Variants in PIEZO2 observed in about 807,000 individuals in gnomAD.
The protein encoded by PIEZO2 is piezo-type mechanosensitive ion channel component 2.
A neutral mutation model predicts 337.3 loss-of-function variants in PIEZO2; 172 were observed. The ratio of observed to expected loss-of-function variants is 0.51; its 90% confidence interval spans 0.45 to 0.58. The LOEUF is 0.58. PIEZO2 is among the 20% of genes least tolerant of loss of function. PIEZO2 has a pLI of 0.00. For synonymous variants in PIEZO2, 1,251 were observed against 1,228.5 expected, an observed-to-expected ratio of 1.02 and a Z score of -0.38; for missense variants, 3,028 against 3,391.3, an observed-to-expected ratio of 0.89 and a Z score of 2.66.
intron 3 of PIEZO2, among the ~76,000 whole-genome samples, chr18:10,967,024 T>G (rs1159979536): frequency 2.7e-5 from 4 of 147,636 alleles, no homozygotes; most frequent in South Asian, 2.2e-4. Context: ...TTTTGTTTTT[T>G]TTTTTTTTTT....
chr18:10,849,084 G>T (rs542807277), intron 7 of PIEZO2, among the ~76,000 whole-genome samples: 2 of 152,126 alleles, frequency 1.3e-5, no homozygotes, highest in Non-Finnish European at 2.9e-5. Flanking sequence ...TCAGCTCACT[G>T]CAACCTCTGC....
At chr18:11,030,921 T>C (rs928453675) in intron 2 of PIEZO2, among the ~76,000 whole-genome samples, 1 of 152,198 alleles carries the variant, frequency 6.6e-6, no homozygotes, top group African/African-American at 2.4e-5. Flanking sequence ...ATTTATATGA[T>C]TAGATTAGCA....
In PIEZO2 at chr18:10,878,953, G is replaced by A. The variant is rs1381704782; in HGVS notation, c.330-7538C>T. Among the ~76,000 whole-genome samples the A allele has an allele frequency of 6.6e-6, 1 of 152,200 alleles. No individual in the cohort carries two copies. Among genetic ancestry groups the A allele is most frequent in the Non-Finnish European group, 1.5e-5 (1 of 68,036 alleles). On this transcript the variant is annotated intron_variant, in intron 4 of 55. Coordinates refer to ENST00000674853, the MANE Select transcript of PIEZO2 (RefSeq NM_001378183.1). This position sits in a 1 kb window ranked among gnomAD's most constrained non-coding sequence, Gnocchi z 4.3. ...GTGGTTAGGACTTTCAGGTGCAGAG[G>A]TGAGACTTTAAACTGAAAGCCACAT... is the stretch of plus-strand genomic sequence containing the variant.
At chr18:10,960,729 C>T (rs1453587937) in intron 3 of PIEZO2, among the ~76,000 whole-genome samples, 4 of 152,130 alleles carry the variant, frequency 2.6e-5, no homozygotes, top group East Asian at 1.9e-4. Flanking sequence ...TTAAAACGAG[C>T]GTTGGCTAAA....
intron 22 of PIEZO2, 89 bp downstream of exon 22, chr18:10,762,833 C>A: frequency 6.9e-7 from 1 of 1,441,946 alleles, no homozygotes; most frequent in Non-Finnish European, 9.2e-7. Flanking sequence ...CAGGTCAGGC[C>A]AAATGTGCTT....
At chr18:11,037,750 T>C (rs2036973514) in intron 2 of PIEZO2, among the ~76,000 whole-genome samples, 1 of 152,200 alleles carries the variant, frequency 6.6e-6, no homozygotes, top group South Asian at 2.1e-4. Flanking sequence ...TTTGACTTGG[T>C]GCCTAACTGA....
intron 1 of PIEZO2, among the ~76,000 whole-genome samples, chr18:11,072,708 G>C (rs976700765): frequency 2.2e-4 from 34 of 152,186 alleles, no homozygotes; most frequent in African/African-American, 7.7e-4. Context: ...ATGTAGCCTG[G>C]CTGAGGTTTG....
In PIEZO2 at chr18:10,716,230, T is replaced by G. The variant is rs869272; in HGVS notation, c.5090-414A>C. 0.15 allele frequency among the ~76,000 whole-genome samples: 22,453 copies of G among 151,978 alleles called. 2,409 individuals carry two copies. The highest frequency in any genetic ancestry group is 0.27 in the East Asian group (1,399 of 5,164). ...CCTCTGCTGCCTCTGCCACCCCTAATACAGAAAAACCAACCCCTCTTCTTC... is the reference window on the plus strand; with the variant it reads ...CCTCTGCTGCCTCTGCCACCCCTAAGACAGAAAAACCAACCCCTCTTCTTC... On this transcript the variant is annotated intron_variant, in intron 37 of 55. Coordinates refer to ENST00000674853, the MANE Select transcript of PIEZO2 (RefSeq NM_001378183.1). The surrounding 1 kb of genome is among the most constrained non-coding windows in gnomAD (Gnocchi z 4.1).
At chr18:10,931,134 C>G (rs2032055524) in intron 3 of PIEZO2, among the ~76,000 whole-genome samples, 2 of 150,814 alleles carry the variant, frequency 1.3e-5, no homozygotes, top group Non-Finnish European at 3.0e-5. Flanking sequence ...TACTCTCTCT[C>G]TTCTCTATTT....
At position 10,824,195 on chromosome 18, in the gene PIEZO2, T is replaced by C. The variant is rs1208849959; in HGVS notation, c.918-16921A>G. Among the ~76,000 whole-genome samples the C allele has an allele frequency of 2.0e-5, 3 of 152,304 alleles. No homozygotes were observed. Among genetic ancestry groups the C allele is most frequent in the Middle Eastern group, 6.8e-3 (2 of 294 alleles). The stretch of plus-strand genomic sequence containing the variant: ...TGCATAAATAAACCACAGACTACTC[T>C]AGAAATCTGGGGCTAGGGAATAATT... On this transcript the variant is annotated intron_variant, in intron 7 of 55. Transcript: ENST00000674853. The surrounding 1 kb of genome is among the most constrained non-coding windows in gnomAD (Gnocchi z 4.4).
chr18:11,014,093 C>T (rs759768746), intron 2 of PIEZO2, among the ~76,000 whole-genome samples: 12 of 152,224 alleles, frequency 7.9e-5, no homozygotes, highest in East Asian at 3.8e-4. Context: ...ATCTGCTGAG[C>T]GTTACAGCTC....
intron 7 of PIEZO2, among the ~76,000 whole-genome samples, chr18:10,845,317 C>T (rs981415737): frequency 6.6e-6 from 1 of 151,774 alleles, no homozygotes; most frequent in African/African-American, 2.4e-5. Context: ...TTTCCAGAGA[C>T]AGGATTTATT....
In PIEZO2 at chr18:10,870,932, T is replaced by A. The variant is rs1006626476; in HGVS notation, c.492+321A>T. Among the ~76,000 whole-genome samples, 1 of 152,070 alleles carries A rather than the reference T, an allele frequency of 6.6e-6. No individual in the cohort carries two copies. The highest frequency in any genetic ancestry group is 2.4e-5 in the African/African-American group (1 of 41,408). ...CAATAACTAAGGTACCCAGACCAATTGAACCATAACACTATGTATGACCTT... is the reference window on the plus strand; with the variant it reads ...CAATAACTAAGGTACCCAGACCAATAGAACCATAACACTATGTATGACCTT... On this transcript the variant is annotated intron_variant, in intron 5 of 55. Transcript: ENST00000674853. The surrounding 1 kb of genome is among the most constrained non-coding windows in gnomAD (Gnocchi z 5.3).
chr18:10,752,713 T>G lies in PIEZO2; in HGVS notation c.4090A>C (p.Ile1364Leu), dbSNP rs1408137241. ...LFGGDLLLKPIKSILRYWDWL... is the reference protein window; with the variant it reads ...LFGGDLLLKPLKSILRYWDWL... ...TCCCAGTAGCGCAGGATGCTCTTGATGGGTTTCAACAGCAAATCGCCCCCA... is the reference window on the plus strand; with the variant it reads ...TCCCAGTAGCGCAGGATGCTCTTGAGGGGTTTCAACAGCAAATCGCCCCCA... The change falls in exon 28 of 56, where the codon ATC becomes CTC. Residue 1364 changes from isoleucine to leucine, a missense_variant. By Grantham distance (5) the Ile-to-Leu change is conservative. This residue lies in a region of PIEZO2 where 1,925 missense variants were observed against 2,051.9 expected (regional missense o/e 0.94). Coordinates refer to ENST00000674853, the MANE Select transcript of PIEZO2 (RefSeq NM_001378183.1). 3 of 1,537,126 alleles carry G rather than the reference T, an allele frequency of 2.0e-6. No homozygotes were observed. The highest frequency in any genetic ancestry group is 1.7e-6 in the Non-Finnish European group (2 of 1,146,918).
At chr18:10,763,525 C>G (rs1033623327) in intron 21 of PIEZO2, among the ~76,000 whole-genome samples, 6 of 152,156 alleles carry the variant, frequency 3.9e-5, no homozygotes, top group African/African-American at 1.4e-4. Context: ...AAAGCATGAG[C>G]TAGCATGGTG....
In PIEZO2 at chr18:10,748,602, G is replaced by T. The variant is rs138035403; in HGVS notation, c.4293C>A (p.Pro1431=). The T allele has an allele frequency of 2.6e-4, 390 of 1,526,216 alleles. 3 individuals carry two copies. The African/African-American group carries it at 4.7e-3, about 18-fold the overall frequency. 94.5% of individuals were successfully genotyped at this position (1,526,216 alleles called of 1,614,324 possible). The change falls in exon 30 of 56, where the codon CCC becomes CCA. Residue 1431 remains proline, a synonymous_variant. Coordinates refer to ENST00000674853, the MANE Select transcript of PIEZO2 (RefSeq NM_001378183.1). This position sits in a 1 kb window ranked among gnomAD's most constrained non-coding sequence, Gnocchi z 5.1. ...CCCAAATGATTCCTGCTTCCCCACT[G>T]GGAAGTGTACAGGGTGAATTAGCAG... ...MPAANSPCTL[P]SGEAGIIWDS...
intron 1 of PIEZO2, among the ~76,000 whole-genome samples, chr18:11,117,513 A>T (rs2039924427): frequency 6.6e-6 from 1 of 152,198 alleles, no homozygotes; most frequent in Non-Finnish European, 1.5e-5. Context: ...TCCAAGGAGA[A>T]ACAGATCCTG....
Position 11,112,723 on chromosome 18 carries a change from A to C in PIEZO2, c.64+35802T>G, listed in dbSNP as rs927925146. Among the ~76,000 whole-genome samples, 1 of 152,218 alleles carries C rather than the reference A, an allele frequency of 6.6e-6. No individual in the cohort carries two copies. Among genetic ancestry groups the C allele is most frequent in the African/African-American group, 2.4e-5 (1 of 41,452 alleles). ...TAATGCAAGTGACACCTGGTGTTCT[A>C]CTGTCTATTGAGAAATGCATAATGC... On this transcript the variant is annotated intron_variant, in intron 1 of 55. Coordinates refer to ENST00000674853, the MANE Select transcript of PIEZO2 (RefSeq NM_001378183.1). The surrounding 1 kb of genome is among the most constrained non-coding windows in gnomAD (Gnocchi z 4.3).
At chr18:10,786,868 G>A (rs1209760999) in intron 16 of PIEZO2, among the ~76,000 whole-genome samples, 168 bp downstream of exon 16, 1 of 152,116 alleles carries the variant, frequency 6.6e-6, no homozygotes, top group Non-Finnish European at 1.5e-5. Flanking sequence ...TCTAAGCTAA[G>A]GGCTAAGTAA....
Sources: allele counts gnomAD v4.1 joint callset (sites outside exome capture counted in the v4.1 genomes callset), GRCh38; gene constraint gnomAD v4.1.1; regional missense constraint gnomAD v4.1.1; non-coding constraint Gnocchi (gnomAD v3.1); transcripts MANE v1.5; gene names NCBI Gene and HGNC (gene_info 2026-07-23, HGNC 2026-07-21).